Variants in NUDCD3 observed in about 807,000 individuals in gnomAD.
NUDCD3 encodes the protein NudC domain containing 3.
NUDCD3 carries 13 observed loss-of-function variants against 39.7 expected under a neutral mutation model. The ratio of observed to expected loss-of-function variants is 0.33; its 90% confidence interval spans 0.21 to 0.52. NUDCD3 has a LOEUF of 0.52. NUDCD3 is among the 20% of genes least tolerant of loss of function. NUDCD3 has a pLI of 0.96. For synonymous variants in NUDCD3, 175 were observed against 172.4 expected (o/e 1.02, Z -0.12); for missense variants, 453 against 458.1 (o/e 0.99, Z 0.10).
chr7:44,475,316 T>C lies in NUDCD3; in HGVS notation c.509+9652A>G, dbSNP rs117898950. Among the ~76,000 whole-genome samples, 648 of 152,198 alleles carry C rather than the reference T, an allele frequency of 4.3e-3. 22 individuals are homozygous for C. In the East Asian group the frequency reaches 0.085, roughly 20 times the overall value. ...TAGTAGAGACAGGCTGTCACCATAC[T>C]GGCCAGGCTGGTCTACATCACAAAT... On this transcript the variant is annotated intron_variant, in intron 2 of 5. Transcript: ENST00000355451.
chr7:44,414,912 TAAGGTGGTGTTCCAA>T (rs983182304), intron 3 of NUDCD3, among the ~76,000 whole-genome samples: 1 of 152,128 alleles, frequency 6.6e-6, no homozygotes, highest in Non-Finnish European at 1.5e-5. Context: ...ACCTAGTGGC[TAAGGTGGTGTTCCAA>T]AAGGTACCCA....
chr7:44,433,425 C>T (rs1448896246), intron 2 of NUDCD3, among the ~76,000 whole-genome samples: 2 of 151,688 alleles, frequency 1.3e-5, no homozygotes, highest in East Asian at 1.9e-4. Context: ...TGCATGTGGG[C>T]ACATGTACTG....
intron 3 of NUDCD3, among the ~76,000 whole-genome samples, chr7:44,411,993 A>G (rs1370685579): frequency 6.6e-6 from 1 of 152,232 alleles, no homozygotes; most frequent in African/African-American, 2.4e-5. Flanking sequence ...GAAGGAAGAA[A>G]AGAGATTGAG....
intron 3 of NUDCD3, among the ~76,000 whole-genome samples, chr7:44,421,291 G>A (rs575443739): frequency 4.2e-5 from 6 of 143,780 alleles, no homozygotes; most frequent in African/African-American, 1.0e-4. Context: ...CCAAGATTGC[G>A]CCACTGACTC....
At chr7:44,468,442 A>G in intron 2 of NUDCD3, 1 of 670,638 alleles carries the variant, frequency 1.5e-6, no homozygotes, top group Non-Finnish European at 2.5e-6. Flanking sequence ...TCAGTGTCAG[A>G]GCTAGCAACT....
At chr7:44,415,310 G>A (rs1023050373) in intron 3 of NUDCD3, among the ~76,000 whole-genome samples, 1 of 152,164 alleles carries the variant, frequency 6.6e-6, no homozygotes, top group East Asian at 1.9e-4. Flanking sequence ...AAAGTTCCTT[G>A]TCTCTATTCT....
intron 2 of NUDCD3, chr7:44,484,626 T>G (rs1002622476): frequency 4.5e-6 from 1 of 224,406 alleles, no homozygotes; most frequent in Non-Finnish European, 8.8e-6. Flanking sequence ...GCAGTGCTCC[T>G]GCAGAGAGAA....
At chr7:44,389,103 C>T (rs1798459640) in intron 5 of NUDCD3, among the ~76,000 whole-genome samples, 1 of 152,232 alleles carries the variant, frequency 6.6e-6, no homozygotes, top group African/African-American at 2.4e-5. Context: ...CAGGATGACC[C>T]CACTGAATTG....
intron 2 of NUDCD3, among the ~76,000 whole-genome samples, chr7:44,458,936 C>CTGTGTGTG (rs55947411): frequency 0.092 from 10,604 of 115,230 alleles, 502 homozygotes; most frequent in South Asian, 0.11. Flanking sequence ...ACGGGGAGTG[C>CTGTGTGTG]TGTGTGTGTG....
intron 2 of NUDCD3, among the ~76,000 whole-genome samples, chr7:44,465,847 T>TA (rs960893504): frequency 1.3e-5 from 2 of 151,940 alleles, no homozygotes; most frequent in East Asian, 3.9e-4. Flanking sequence ...AAACACCAGT[T>TA]AAAAAAAATA....
intron 3 of NUDCD3, among the ~76,000 whole-genome samples, chr7:44,425,188 T>C (rs1585069838): frequency 6.6e-6 from 1 of 152,116 alleles, no homozygotes; most frequent in Non-Finnish European, 1.5e-5. Flanking sequence ...AAATACCTAA[T>C]GCATGCGGGG....
chr7:44,433,261 CAT>C (rs1491179964), intron 2 of NUDCD3, among the ~76,000 whole-genome samples: 27 of 150,430 alleles, frequency 1.8e-4, no homozygotes, highest in South Asian at 4.2e-4. Flanking sequence ...ACTAGGCCAA[CAT>C]GTGTGTGTGT....
At chr7:44,430,015 A>T (rs539249425) in intron 2 of NUDCD3, among the ~76,000 whole-genome samples, 60 of 152,356 alleles carry the variant, frequency 3.9e-4, no homozygotes, top group African/African-American at 1.4e-3. Context: ...AATATATAAT[A>T]TACACACAAG....
intron 5 of NUDCD3, among the ~76,000 whole-genome samples, chr7:44,389,190 T>C (rs1798462998): frequency 6.6e-6 from 1 of 152,258 alleles, no homozygotes; most frequent in Non-Finnish European, 1.5e-5. Context: ...CAAGCATGTA[T>C]GTGCATGGTG....
intron 4 of NUDCD3, among the ~76,000 whole-genome samples, chr7:44,393,647 T>C (rs1242645406): frequency 1.3e-5 from 2 of 152,166 alleles, no homozygotes; most frequent in Non-Finnish European, 2.9e-5. Context: ...TTTCATAATA[T>C]TTACAATTGA....
At chr7:44,387,841 T>A (rs1310967869) in intron 5 of NUDCD3, among the ~76,000 whole-genome samples, 1 of 152,220 alleles carries the variant, frequency 6.6e-6, no homozygotes, top group East Asian at 1.9e-4. Flanking sequence ...TTCACTCTTA[T>A]GACCAGAGAC....
intron 2 of NUDCD3, among the ~76,000 whole-genome samples, chr7:44,440,292 A>G (rs146943353): frequency 1.5e-3 from 234 of 152,324 alleles, no homozygotes; most frequent in Middle Eastern, 3.4e-3. Context: ...TAATCATAAG[A>G]AAACACTACA....
chr7:44,400,092 C>A (rs1018889331), intron 4 of NUDCD3, among the ~76,000 whole-genome samples: 1 of 152,194 alleles, frequency 6.6e-6, no homozygotes, highest in Non-Finnish European at 1.5e-5. Context: ...CCTGTCAGCT[C>A]CCCCGACTGC....
intron 3 of NUDCD3, among the ~76,000 whole-genome samples, chr7:44,406,993 C>T (rs1798835010): frequency 6.6e-6 from 1 of 152,124 alleles, no homozygotes; most frequent in African/African-American, 2.4e-5. Flanking sequence ...CTGAAAGGGA[C>T]AGGAATCCCT....
Sources: gnomAD v4.1 joint callset for allele counts (sites outside exome capture counted in the v4.1 genomes callset) on GRCh38, gnomAD v4.1.1 for gene constraint, MANE v1.5 for transcripts, NCBI Gene and HGNC (gene_info 2026-07-23, HGNC 2026-07-21) for gene names.